Variants in KRCC1 observed in about 807,000 individuals in gnomAD.
KRCC1 encodes the protein lysine-rich coiled-coil protein 1.
KRCC1 carries 3 observed loss-of-function variants against 7.4 expected under a neutral mutation model. The observed-to-expected ratio is 0.40, with a 90% CI of 0.18 to 1.04. KRCC1 has a LOEUF of 1.04. Ranked by LOEUF, KRCC1 falls within the 50% of genes least tolerant of loss-of-function variation. The pLI is 0.33. For missense variants in KRCC1, 277 were observed against 300.9 expected, an observed-to-expected ratio of 0.92 and a Z score of 0.59; for synonymous variants, 102 against 101.6, an observed-to-expected ratio of 1.00 and a Z score of -0.02.
chr2:88,040,365 A>G (rs1207071310), intron 1 of KRCC1, among the ~76,000 whole-genome samples: 4 of 152,156 alleles, frequency 2.6e-5, no homozygotes, highest in Non-Finnish European at 1.5e-5. Flanking sequence ...TACCTATAAC[A>G]TTATTTAGTT....
At chr2:88,044,367 C>G (rs1338922747) in intron 1 of KRCC1, among the ~76,000 whole-genome samples, 1 of 145,870 alleles carries the variant, frequency 6.9e-6, no homozygotes, top group Non-Finnish European at 1.5e-5. Context: ...CCAGCCTGGG[C>G]AATGTACCAA....
At chr2:88,035,401 C>T (rs1210499100) in intron 2 of KRCC1, among the ~76,000 whole-genome samples, 1 of 152,102 alleles carries the variant, frequency 6.6e-6, no homozygotes, top group Non-Finnish European at 1.5e-5. Flanking sequence ...TAGGAGGGAT[C>T]CTCCCTTCTG....
chr2:88,029,943 G>T (rs1336305784), intron 3 of KRCC1, among the ~76,000 whole-genome samples: 1 of 150,326 alleles, frequency 6.7e-6, no homozygotes, highest in Non-Finnish European at 1.5e-5. Context: ...CGCCTCCAGG[G>T]TTCAAGTGAT....
Position 88,028,435 on chromosome 2 carries a change from G to C in KRCC1, c.129C>G (p.Thr43=). ...FRKMKGDYLE[T]CGYKGEVNSR... Reference sequence around the variant, plus strand: ...AATTAACCTCTCCTTTGTACCCACAGGTTTCCAAATAGTCCCCTTTCATCT... The same window carrying C: ...AATTAACCTCTCCTTTGTACCCACACGTTTCCAAATAGTCCCCTTTCATCT... Residue 43 remains threonine (T), a synonymous_variant, in exon 4 of 4, where the codon ACC becomes ACG. Coordinates refer to ENST00000347055, the MANE Select transcript of KRCC1 (RefSeq NM_016618.3). 6.2e-7 allele frequency: 1 copy of C among 1,614,128 alleles called. No individual in the cohort carries two copies. Among genetic ancestry groups the C allele is most frequent in the African/African-American group, 1.3e-5 (1 of 75,022 alleles).
chr2:88,046,032 A>G (rs1226645029), intron 1 of KRCC1, among the ~76,000 whole-genome samples: 2 of 152,212 alleles, frequency 1.3e-5, no homozygotes, highest in African/African-American at 4.8e-5. Flanking sequence ...ATGTACCTCA[A>G]TAAAGTAACT....
intron 1 of KRCC1, among the ~76,000 whole-genome samples, chr2:88,045,783 A>G (rs1418033193): frequency 2.0e-5 from 3 of 151,858 alleles, no homozygotes; most frequent in African/African-American, 7.3e-5. Context: ...TCCTGGGTTC[A>G]ATCAATTTTT....
chr2:88,049,676 C>T (rs1473925305), intron 1 of KRCC1, among the ~76,000 whole-genome samples: 1 of 152,114 alleles, frequency 6.6e-6, no homozygotes, highest in African/African-American at 2.4e-5. Flanking sequence ...CAAACAAAAA[C>T]TGAGATCAAC....
intron 1 of KRCC1, among the ~76,000 whole-genome samples, chr2:88,045,491 A>G (rs1673309625): frequency 1.3e-5 from 2 of 152,222 alleles, no homozygotes; most frequent in Admixed American, 1.3e-4. Flanking sequence ...GTATGATTCT[A>G]TTTATAAAAA....
At position 88,027,832 on chromosome 2, in the gene KRCC1, TTC is replaced by T. The variant is rs1464240896; in HGVS notation, c.730_731del (p.Glu244LysfsTer28). On this transcript the variant is annotated frameshift_variant, in exon 4 of 4. Transcript: ENST00000347055. LOFTEE classifies it high-confidence loss of function. Reference sequence around the variant, plus strand: ...CCCAAAGCATTTCCTCCTCTGTCCTTTCTTGGCCTTGTTCCTTTTTCTTTTTT... The same window carrying T: ...CCCAAAGCATTTCCTCCTCTGTCCTTTTGGCCTTGTTCCTTTTTCTTTTTT... ...RTKKKKEQGQ[E>X]RTEEEMLWDQ... 1 of 1,608,364 alleles carries T rather than the reference TTC, an allele frequency of 6.2e-7. No individual in the cohort carries two copies. The highest frequency in any genetic ancestry group is 1.7e-5 in the Admixed American group (1 of 58,544).
chr2:88,033,861 T>C (rs1673041659), intron 3 of KRCC1, among the ~76,000 whole-genome samples: 2 of 152,184 alleles, frequency 1.3e-5, no homozygotes. Flanking sequence ...AAAACCTATG[T>C]CCATGCAAGA....
At chr2:88,038,762 G>A (rs1673144889) in intron 1 of KRCC1, among the ~76,000 whole-genome samples, 1 of 152,214 alleles carries the variant, frequency 6.6e-6, no homozygotes, top group Non-Finnish European at 1.5e-5. Flanking sequence ...AGTGCTGAGT[G>A]AAGTGAGAAA....
intron 1 of KRCC1, among the ~76,000 whole-genome samples, chr2:88,045,722 C>CG (rs1346089672): frequency 6.6e-6 from 1 of 151,742 alleles, no homozygotes; most frequent in African/African-American, 2.4e-5. Context: ...CTCACTCTGT[C>CG]GCTCAGGCTG....
intron 1 of KRCC1, among the ~76,000 whole-genome samples, chr2:88,044,401 C>CAAAAAAAAAAAAAAA (rs10527729): frequency 6.8e-6 from 1 of 146,650 alleles, no homozygotes; most frequent in African/African-American, 2.6e-5. Context: ...CAAAAGAAAA[C>CAAAAAAAAAAAAAAA]AAAAAAAAAA....
At chr2:88,054,416 C>T (rs899870487) in intron 1 of KRCC1, among the ~76,000 whole-genome samples, 3 of 152,156 alleles carry the variant, frequency 2.0e-5, no homozygotes, top group African/African-American at 7.2e-5. Flanking sequence ...TCCTCTGTTC[C>T]TTTGAGATGT....
chr2:88,031,212 C>T (rs1016579636), intron 3 of KRCC1, among the ~76,000 whole-genome samples: 3 of 152,094 alleles, frequency 2.0e-5, no homozygotes, highest in Non-Finnish European at 1.5e-5. Flanking sequence ...TGAAGACCCC[C>T]CAGTGGGACA....
intron 1 of KRCC1, among the ~76,000 whole-genome samples, chr2:88,040,421 ATTGAGT>A (rs1475859941): frequency 6.6e-6 from 1 of 152,144 alleles, no homozygotes; most frequent in Non-Finnish European, 1.5e-5. Context: ...ATCACTACTT[ATTGAGT>A]TTGTCTTCAA....
chr2:88,042,559 A>G (rs544528012), intron 1 of KRCC1, among the ~76,000 whole-genome samples: 231 of 152,248 alleles, frequency 1.5e-3, no homozygotes, highest in African/African-American at 5.2e-3. Flanking sequence ...CTAGGACTAT[A>G]GGCATGTGCT....
intron 3 of KRCC1, 57 bp from the exon 4 acceptor site, chr2:88,028,642 C>CAA: frequency 3.5e-5 from 24 of 682,092 alleles, no homozygotes; most frequent in Non-Finnish European, 5.0e-5. Flanking sequence ...ATTTCCTTTG[C>CAA]TCTTTTTTTT....
chr2:88,033,059 G>A (rs1426410386), intron 3 of KRCC1, among the ~76,000 whole-genome samples: 29 of 152,194 alleles, frequency 1.9e-4, no homozygotes, highest in Non-Finnish European at 2.9e-5. Flanking sequence ...AGAGAGGTGG[G>A]AAGAAAAGAT....
Sources: allele counts gnomAD v4.1 joint callset (sites outside exome capture counted in the v4.1 genomes callset), GRCh38; gene constraint gnomAD v4.1.1; transcripts MANE v1.5; gene names NCBI Gene and HGNC (gene_info 2026-07-23, HGNC 2026-07-21).